Variants in L3MBTL1 observed in about 807,000 individuals in gnomAD.
The protein encoded by L3MBTL1 is lethal(3)malignant brain tumor-like protein 1.
L3MBTL1 carries 75 observed loss-of-function variants against 105.3 expected under a neutral mutation model. That is an observed-to-expected ratio of 0.71 (90% CI 0.59 to 0.86). The LOEUF (loss-of-function observed/expected upper bound fraction) is 0.86, where lower values mean the gene tolerates loss of function less well. Ranked by LOEUF, L3MBTL1 falls within the 40% of genes least tolerant of loss-of-function variation. The probability of loss-of-function intolerance (pLI) is 0.00; values close to 1 mark genes in which losing one functional copy is unlikely to be tolerated. For missense variants in L3MBTL1, 1,069 were observed against 1,126.4 expected (o/e 0.95, Z 0.73); for synonymous variants, 452 against 436.2 (o/e 1.04, Z -0.45).
intron 4 of L3MBTL1, 45 bp downstream of exon 4, chr20:43,514,821 TGGGGCGAGGCCTGAGCCCCAGAAGGTTCG>T (rs757984033): frequency 6.7e-7 from 1 of 1,503,398 alleles, no homozygotes; most frequent in Non-Finnish European, 8.9e-7. Context: ...CCTGTGCGGG[TGGGGCGAGGCCTGAGCCCCAGAAGGTTCG>T]GGGGCGGGGC....
chr20:43,533,283 G>T lies in L3MBTL1; in HGVS notation c.1437-59G>T, dbSNP rs964946945. On this transcript the variant is annotated intron_variant, in intron 12 of 21. Coordinates refer to ENST00000418998, the MANE Select transcript of L3MBTL1 (RefSeq NM_001377303.1). ...TGGGCCCTGAGCCATGCTTTCAGAG[G>T]ATGGCAGGCTCAGGGCCTCAAGTTT... 6.7e-6 allele frequency: 10 copies of T among 1,486,154 alleles called. No homozygotes were observed. In the African/African-American group the frequency reaches 1.4e-4, roughly 21 times the overall value. The allele number at this position is 1,486,154 out of a possible 1,614,324, so 92.1% of individuals were successfully genotyped here.
At chr20:43,543,859 T>C (rs1228322832), downstream of L3MBTL1, among the ~76,000 whole-genome samples, 1 of 152,254 alleles carries the variant, frequency 6.6e-6, no homozygotes, top group Admixed American at 6.5e-5. Flanking sequence ...GTCATCTTTA[T>C]TGTAGCCATT....
intron 11 of L3MBTL1, chr20:43,532,056 G>A (rs1227765143): frequency 1.3e-5 from 2 of 152,092 alleles, no homozygotes; most frequent in African/African-American, 4.8e-5. Context: ...AAACCATATT[G>A]AATGTCTAGA....
At chr20:43,514,451 G>T in intron 3 of L3MBTL1, 184 bp from the exon 4 acceptor site, 1 of 1,493,596 alleles carries the variant, frequency 6.7e-7, no homozygotes. Flanking sequence ...GCAGGTGCTT[G>T]GGGGCGTAGC....
chr20:43,536,523 TTGG>T, intron 19 of L3MBTL1, 65 bp downstream of exon 19: 3 of 1,561,722 alleles, frequency 1.9e-6, no homozygotes, highest in Non-Finnish European at 2.6e-6. Context: ...TGCTCTGTCA[TTGG>T]TGGGATGAGA....
At chr20:43,544,414 C>G (rs555261706), downstream of L3MBTL1, among the ~76,000 whole-genome samples, 4 of 152,140 alleles carry the variant, frequency 2.6e-5, no homozygotes, top group Non-Finnish European at 5.9e-5. Context: ...TGTTGATTTC[C>G]TCTACCTTCA....
chr20:43,537,719 G>A (rs1416597529), intron 19 of L3MBTL1, among the ~76,000 whole-genome samples: 2 of 152,288 alleles, frequency 1.3e-5, no homozygotes, highest in Admixed American at 6.5e-5. Context: ...CAGTTGAATG[G>A]AATGCATGTC....
chr20:43,522,778 G>A (rs1600915957), intron 7 of L3MBTL1, among the ~76,000 whole-genome samples: 2 of 127,094 alleles, frequency 1.6e-5, no homozygotes, highest in Middle Eastern at 8.7e-3. Context: ...GGCCAACGGT[G>A]TCTTTTTTTT....
chr20:43,512,859 G>A (rs915380341), intron 1 of L3MBTL1, among the ~76,000 whole-genome samples: 2 of 152,198 alleles, frequency 1.3e-5, no homozygotes, highest in South Asian at 2.1e-4. Flanking sequence ...ACTTGACTGC[G>A]TCTTCGTACA....
Position 43,541,054 on chromosome 20 carries a change from G to A in L3MBTL1, c.2515G>A (p.Val839Ile), listed in dbSNP as rs2019891653. Residue 839 changes from valine to isoleucine, a missense_variant, in exon 22 of 22, where the codon GTC becomes ATC. Coordinates refer to ENST00000418998, the MANE Select transcript of L3MBTL1 (RefSeq NM_001377303.1). ...AGGAAAAGGCATCCTGGAGACAGGA[G>A]TCCATTCACTCCTCTGCTCTCTACC... Reference protein sequence around the residue: ...QEGKGILETGVHSLLCSLPTH... With the variant: ...QEGKGILETGIHSLLCSLPTH... 6.2e-7 allele frequency: 1 copy of A among 1,614,194 alleles called. No homozygotes were observed. The highest frequency in any genetic ancestry group is 1.3e-5 in the African/African-American group (1 of 75,044).
chr20:43,534,612 G>A (rs537545551), intron 15 of L3MBTL1: 10 of 607,516 alleles, frequency 1.6e-5, no homozygotes, highest in African/African-American at 5.6e-5. Context: ...AATAATCCTC[G>A]TCCCACCTAA....
intron 1 of L3MBTL1, among the ~76,000 whole-genome samples, chr20:43,508,582 T>A (rs2018048676): frequency 1.3e-5 from 2 of 152,236 alleles, no homozygotes; most frequent in Non-Finnish European, 2.9e-5. Flanking sequence ...TTGTCAGACA[T>A]CAAGAGAAAA....
At chr20:43,518,765 T>C (rs528936024) in intron 7 of L3MBTL1, among the ~76,000 whole-genome samples, 1 of 147,710 alleles carries the variant, frequency 6.8e-6, no homozygotes, top group Non-Finnish European at 1.5e-5. Flanking sequence ...TCCTAGCACT[T>C]TGGGAGGCCG....
At chr20:43,514,900 T>C in intron 4 of L3MBTL1, 109 bp from the exon 5 acceptor site, 1 of 1,472,432 alleles carries the variant, frequency 6.8e-7, no homozygotes, top group Non-Finnish European at 9.1e-7. Context: ...GAGGAGGCCA[T>C]CCGATGCGGA....
In L3MBTL1 at chr20:43,509,358, G is replaced by T. The variant is rs568800062; in HGVS notation, c.-29+1614G>T. 3.9e-5 allele frequency among the ~76,000 whole-genome samples: 6 copies of T among 152,134 alleles called. No individual in the cohort carries two copies. In the East Asian group the frequency reaches 1.2e-3, roughly 29 times the overall value. On this transcript the variant is annotated intron_variant, in intron 1 of 21. Coordinates refer to ENST00000418998, the MANE Select transcript of L3MBTL1 (RefSeq NM_001377303.1). Reference sequence around the variant, plus strand: ...TCCCACCTCAGCCTCCCCAGTAGCTGGGACCACAGGGGTGCACCACCATGT... The same window carrying T: ...TCCCACCTCAGCCTCCCCAGTAGCTTGGACCACAGGGGTGCACCACCATGT...
At chr20:43,517,342 A>C (rs1233689199) in intron 7 of L3MBTL1, among the ~76,000 whole-genome samples, 1 of 152,046 alleles carries the variant, frequency 6.6e-6, no homozygotes, top group Non-Finnish European at 1.5e-5. Flanking sequence ...TTATCTGCCC[A>C]CCTCAGCCTC....
At chr20:43,527,791 C>A (rs1245896400) in intron 7 of L3MBTL1, among the ~76,000 whole-genome samples, 3 of 151,854 alleles carry the variant, frequency 2.0e-5, no homozygotes, top group Non-Finnish European at 2.9e-5. Flanking sequence ...ATGTTCTCGG[C>A]TCACTGCAGC....
chr20:43,532,758 C>CT lies in L3MBTL1; in HGVS notation c.1285-8dup, dbSNP rs530187269. ...AGCTTGGCCCTGGCCGTGGCAGCTC[C>CT]TTTTTTTCCCCTAGAGTCCCCCACC... On this transcript the variant is annotated splice_polypyrimidine_tract_variant and intron_variant, in intron 11 of 21. Transcript: ENST00000418998. 144 of 1,613,956 alleles carry CT rather than the reference C, an allele frequency of 8.9e-5. 1 individual carries two copies. In the African/African-American group the frequency reaches 1.7e-3, roughly 19 times the overall value.
At chr20:43,527,211 T>G (rs1294419514) in intron 7 of L3MBTL1, among the ~76,000 whole-genome samples, 1 of 152,216 alleles carries the variant, frequency 6.6e-6, no homozygotes, top group East Asian at 1.9e-4. Flanking sequence ...TGATCCTGTA[T>G]GGTGGGTATC....
Sources: gnomAD v4.1 joint callset for allele counts (sites outside exome capture counted in the v4.1 genomes callset) on GRCh38, gnomAD v4.1.1 for gene constraint, MANE v1.5 for transcripts, NCBI Gene and HGNC (gene_info 2026-07-23, HGNC 2026-07-21) for gene names.